The following FRMD5 variants were observed in gnomAD, a reference collection of about 807,000 sequenced individuals.
FRMD5 encodes the protein FERM domain-containing protein 5.
Under a neutral mutation model 69.0 loss-of-function variants are expected in FRMD5, and 20 were observed. The observed-to-expected ratio is 0.29, with a 90% CI of 0.20 to 0.42. FRMD5 has a LOEUF of 0.42. Ranked by LOEUF, FRMD5 falls within the 10% of genes least tolerant of loss-of-function variation. The probability of loss-of-function intolerance (pLI) is 1.00; values close to 1 mark genes in which losing one functional copy is unlikely to be tolerated. For synonymous variants in FRMD5, 271 were observed against 260.1 expected (o/e 1.04, Z -0.40); for missense variants, 595 against 708.6 (o/e 0.84, Z 1.82).
At chr15:44,077,990 A>G (rs916034211) in intron 1 of FRMD5, among the ~76,000 whole-genome samples, 4 of 152,098 alleles carry the variant, frequency 2.6e-5, no homozygotes, top group African/African-American at 9.7e-5. Flanking sequence ...TCTATATTAC[A>G]TACATATCTT....
chr15:44,155,413 A>G (rs946314187), intron 1 of FRMD5, among the ~76,000 whole-genome samples: 3 of 152,008 alleles, frequency 2.0e-5, no homozygotes, highest in African/African-American at 7.2e-5. Flanking sequence ...GCCTGGTGAC[A>G]GAGCGAGACT....
intron 1 of FRMD5, among the ~76,000 whole-genome samples, chr15:44,134,784 T>C (rs2077157840): frequency 6.6e-6 from 1 of 152,058 alleles, no homozygotes; most frequent in South Asian, 2.1e-4. Context: ...AGTGATAGCC[T>C]TTCTGAGAAG....
At chr15:43,922,649 C>G (rs985764293) in intron 2 of FRMD5, among the ~76,000 whole-genome samples, 7 of 150,776 alleles carry the variant, frequency 4.6e-5, no homozygotes, top group Non-Finnish European at 1.0e-4. Context: ...ATGAAGAGAT[C>G]TTGGAGTAAC....
Position 43,919,326 on chromosome 15 carries a change from CATT to C in FRMD5, c.329+130_329+132del, listed in dbSNP as rs746224360. On this transcript the variant is annotated intron_variant, in intron 4 of 13. Coordinates refer to ENST00000417257, the MANE Select transcript of FRMD5 (RefSeq NM_032892.5). ...GCATGTGGAAATGAAATACAGAAGT[CATT>C]ATATTTAGGAAGAGTTCCTTGCCTC... The C allele has an allele frequency of 5.1e-5, 42 of 816,864 alleles. No homozygotes were observed. The South Asian group carries it at 5.6e-4, about 11-fold the overall frequency. The allele number at this position is 816,864 out of a possible 1,614,324, so 50.6% of individuals were successfully genotyped here. A position where few individuals can be genotyped will look rare whatever the true frequency, so the allele number is the denominator to read the frequency against.
intron 1 of FRMD5, among the ~76,000 whole-genome samples, chr15:44,165,271 T>C (rs916982248): frequency 1.3e-5 from 2 of 151,780 alleles, no homozygotes; most frequent in African/African-American, 4.8e-5. Flanking sequence ...ATACAAAAAT[T>C]AGCTGGGTGT....
intron 1 of FRMD5, among the ~76,000 whole-genome samples, chr15:44,127,588 C>A (rs1335839578): frequency 2.6e-5 from 4 of 152,072 alleles, no homozygotes; most frequent in African/African-American, 7.2e-5. Context: ...ATAAAAATAA[C>A]CAGGCCGGGT....
intron 1 of FRMD5, among the ~76,000 whole-genome samples, chr15:44,057,267 G>A (rs566759508): frequency 2.0e-5 from 3 of 152,056 alleles, no homozygotes; most frequent in South Asian, 4.2e-4. Context: ...CACCACGCCT[G>A]GCTAATTTTT....
At chr15:43,927,482 CT>C (rs1566840767) in intron 1 of FRMD5, among the ~76,000 whole-genome samples, 1 of 152,222 alleles carries the variant, frequency 6.6e-6, no homozygotes, top group African/African-American at 2.4e-5. Context: ...TCAGAACTTT[CT>C]TTGTGCAGGG....
intron 1 of FRMD5, among the ~76,000 whole-genome samples, chr15:44,020,508 C>G (rs1028313532): frequency 6.6e-6 from 1 of 152,206 alleles, no homozygotes; most frequent in African/African-American, 2.4e-5. Context: ...TAAAAACTAG[C>G]TCCTCAAATG....
intron 4 of FRMD5, among the ~76,000 whole-genome samples, chr15:43,914,005 G>C (rs1662887234): frequency 6.6e-6 from 1 of 152,198 alleles, no homozygotes; most frequent in South Asian, 2.1e-4. Flanking sequence ...TGGCCTCAGA[G>C]GGGCTTTACC....
chr15:44,114,406 T>G (rs2076840898), intron 1 of FRMD5, among the ~76,000 whole-genome samples: 1 of 152,238 alleles, frequency 6.6e-6, no homozygotes, highest in Admixed American at 6.5e-5. Context: ...AGCCACTTTC[T>G]GATTACTAAC....
In FRMD5 at chr15:43,909,972, CTAAA is replaced by C; in HGVS notation, c.333_336del (p.Tyr111Ter). On this transcript the variant is annotated frameshift_variant, in exon 5 of 14. Coordinates refer to ENST00000417257, the MANE Select transcript of FRMD5 (RefSeq NM_032892.5). LOFTEE classifies it high-confidence loss of function. Reference sequence around the variant, plus strand: ...AGATCCCTTTTGATCTGCAGGAAGACTAAATACCTGGAGAGAAAACAGAGAATAA... The same window carrying C: ...AGATCCCTTTTGATCTGCAGGAAGACTACCTGGAGAGAAAACAGAGAATAA... The C allele has an allele frequency of 6.3e-7, 1 of 1,584,014 alleles. No homozygotes were observed. The highest frequency in any genetic ancestry group is 8.7e-7 in the Non-Finnish European group (1 of 1,153,310).
At chr15:43,972,266 A>T (rs1460864331) in intron 1 of FRMD5, among the ~76,000 whole-genome samples, 1 of 151,910 alleles carries the variant, frequency 6.6e-6, no homozygotes, top group East Asian at 1.9e-4. Context: ...CACATCACAC[A>T]ACATCATGTG....
At position 43,915,290 on chromosome 15, in the gene FRMD5, C is replaced by T. The variant is rs78010607; in HGVS notation, c.329+4169G>A. ...CTACAATGACAGAATTGAGTAGTTG[C>T]GACAGAGACCATATGGCCCGACAAG... On this transcript the variant is annotated intron_variant, in intron 4 of 13. Coordinates refer to ENST00000417257, the MANE Select transcript of FRMD5 (RefSeq NM_032892.5). 1.1e-3 allele frequency among the ~76,000 whole-genome samples: 164 copies of T among 152,300 alleles called. 4 individuals are homozygous for T. The East Asian group carries it at 0.027, about 25-fold the overall frequency.
At chr15:44,125,649 G>A (rs999994525) in intron 1 of FRMD5, among the ~76,000 whole-genome samples, 5 of 152,142 alleles carry the variant, frequency 3.3e-5, no homozygotes, top group African/African-American at 1.2e-4. Flanking sequence ...TTGACATTCA[G>A]ACAAAATAAA....
At chr15:43,992,285 T>C (rs987805371) in intron 1 of FRMD5, among the ~76,000 whole-genome samples, 6 of 152,164 alleles carry the variant, frequency 3.9e-5, no homozygotes, top group African/African-American at 1.4e-4. Flanking sequence ...AAGTATTGGT[T>C]GGTGGTTGGG....
At chr15:44,091,697 T>C (rs937592421) in intron 1 of FRMD5, among the ~76,000 whole-genome samples, 1 of 152,170 alleles carries the variant, frequency 6.6e-6, no homozygotes, top group Non-Finnish European at 1.5e-5. Context: ...GTTCATTAAA[T>C]ACTCATCTTT....
At chr15:44,114,278 A>T (rs1194269504) in intron 1 of FRMD5, among the ~76,000 whole-genome samples, 3 of 152,244 alleles carry the variant, frequency 2.0e-5, no homozygotes, top group African/African-American at 4.8e-5. Flanking sequence ...AGGCATTATG[A>T]TTTTGAGAGA....
chr15:44,101,006 G>A (rs183087433), intron 1 of FRMD5, among the ~76,000 whole-genome samples: 17 of 151,996 alleles, frequency 1.1e-4, no homozygotes, highest in Admixed American at 7.2e-4. Context: ...AAAATTAGCC[G>A]GGTGTGATGG....
Sources: allele counts gnomAD v4.1 joint callset (sites outside exome capture counted in the v4.1 genomes callset), GRCh38; gene constraint gnomAD v4.1.1; transcripts MANE v1.5; gene names NCBI Gene and HGNC (gene_info 2026-07-23, HGNC 2026-07-21).